The following MORC4 variants were observed in gnomAD, a reference collection of about 807,000 sequenced individuals.
MORC4 encodes MORC family CW-type zinc finger protein 4.
Under a neutral mutation model 65.5 loss-of-function variants are expected in MORC4, and 22 were observed. The observed-to-expected ratio is 0.34, with a 90% CI of 0.24 to 0.48. The LOEUF (loss-of-function observed/expected upper bound fraction) is 0.48, where lower values mean the gene tolerates loss of function less well. Ranked by LOEUF, MORC4 falls within the 20% of genes least tolerant of loss-of-function variation. MORC4 has a pLI of 0.99. For synonymous variants in MORC4, 267 were observed against 255.8 expected (o/e 1.04, Z -0.42); for missense variants, 624 against 703.0 (o/e 0.89, Z 1.27).
chrX:106,943,653 C>A (rs1372590393), intron 14 of MORC4, among the ~76,000 whole-genome samples: 1 of 112,452 alleles, frequency 8.9e-6, no homozygotes, highest in African/African-American at 3.2e-5. Flanking sequence ...ATCACAAATG[C>A]CTTCCCGTAT....
intron 10 of MORC4, among the ~76,000 whole-genome samples, chrX:106,960,463 T>C (rs1312152985): frequency 2.7e-5 from 3 of 111,885 alleles, no homozygotes; most frequent in Non-Finnish European, 5.6e-5. Context: ...TTACCTATAT[T>C]TGAACCTTAG....
At chrX:106,966,370 C>T (rs1391348504) in intron 9 of MORC4, among the ~76,000 whole-genome samples, 2 of 112,356 alleles carry the variant, frequency 1.8e-5, no homozygotes, top group Non-Finnish European at 3.8e-5. Context: ...GTGAGATCGA[C>T]GCAGAAGACA....
chrX:106,978,045 C>T (rs958792882), intron 8 of MORC4, 35 bp downstream of exon 8: 6 of 1,203,859 alleles, frequency 5.0e-6, no homozygotes, highest in Middle Eastern at 4.6e-4. Flanking sequence ...CTACTCTTTT[C>T]AGCCTCCTAT....
intron 14 of MORC4, among the ~76,000 whole-genome samples, chrX:106,952,857 T>C (rs1312645541): frequency 3.0e-4 from 34 of 111,938 alleles, no homozygotes; most frequent in Non-Finnish European, 7.5e-5. Context: ...AGAAATCCTA[T>C]ATATTTTACT....
rs1340599081 is a variant in MORC4 at position 106,956,518 on chromosome X, C to T, written c.1471G>A (p.Glu491Lys). The T allele has an allele frequency of 8.3e-7, 1 of 1,207,147 alleles. No homozygotes were observed. Among genetic ancestry groups the T allele is most frequent in the Admixed American group, 2.2e-5 (1 of 46,042 alleles). The change falls in exon 13 of 17, where the codon GAG becomes AAG. Residue 491 changes from glutamate (E) to lysine (K), a missense_variant. By Grantham distance (56) the Glu-to-Lys change is moderately conservative. Coordinates refer to ENST00000355610, the MANE Select transcript of MORC4 (RefSeq NM_024657.5). The part of the protein sequence containing the change: ...KAKKQEQTVE[E>K]KKKMPMENEN... ...TTTTCCATAGGCATCTTCTTCTTCT[C>T]CTCAACAGTTTGTTCTCTAGGAGAA...
At chrX:106,955,231 A>G (rs1165685144) in intron 13 of MORC4, 143 bp from the exon 14 acceptor site, 9 of 457,945 alleles carry the variant, frequency 2.0e-5, no homozygotes, top group African/African-American at 2.5e-5. Flanking sequence ...GTGTGCAGTA[A>G]TGTACACTAG....
At chrX:106,967,559 A>C (rs1934404537) in intron 9 of MORC4, among the ~76,000 whole-genome samples, 1 of 112,071 alleles carries the variant, frequency 8.9e-6, no homozygotes, top group South Asian at 3.8e-4. Flanking sequence ...AAGGAAGCTA[A>C]AAACCTAGAA....
intron 9 of MORC4, among the ~76,000 whole-genome samples, chrX:106,976,264 A>T (rs772400000): frequency 1.7e-4 from 19 of 111,612 alleles, no homozygotes; most frequent in Non-Finnish European, 3.6e-4. Context: ...AATGTATTCC[A>T]TAACTTCAGA....
chrX:106,972,819 T>C (rs1405872802), intron 9 of MORC4, among the ~76,000 whole-genome samples: 1 of 112,433 alleles, frequency 8.9e-6, no homozygotes, highest in Non-Finnish European at 1.9e-5. Context: ...ATGCCTGTAA[T>C]CCCAGCTACT....
chrX:106,965,807 T>G (rs1934359237), intron 9 of MORC4, among the ~76,000 whole-genome samples: 1 of 112,254 alleles, frequency 8.9e-6, no homozygotes, highest in African/African-American at 3.2e-5. Flanking sequence ...CCCAAATCAT[T>G]GTAAACAAGA....
chrX:106,981,553 GA>G lies in MORC4; in HGVS notation c.675-77del, dbSNP rs5903292. 22,157 of 888,367 alleles carry G rather than the reference GA, an allele frequency of 0.025. 3,181 individuals carry two copies. In the African/African-American group the frequency reaches 0.41, roughly 16 times the overall value. 73.2% of individuals were successfully genotyped at this position (888,367 alleles called of 1,213,427 possible). On this transcript the variant is annotated intron_variant, in intron 5 of 16. Transcript: ENST00000355610. The stretch of plus-strand genomic sequence containing the variant: ...AAAAAAATGCACTAGGAGCCCAAAA[GA>G]AAAAAAAACAATATGAGCCAAAACT...
At chrX:106,955,153 A>G in intron 13 of MORC4, 65 bp from the exon 14 acceptor site, 1 of 820,963 alleles carries the variant, frequency 1.2e-6, no homozygotes, top group Non-Finnish European at 1.7e-6. Flanking sequence ...GGATGAGTCA[A>G]TCCTTCTGAT....
chrX:106,941,556 G>A lies in MORC4; in HGVS notation c.2737C>T (p.Arg913Cys). Residue 913 changes from arginine to cysteine, a missense_variant, in exon 17 of 17, where the codon CGT (arginine) becomes TGT (cysteine). By Grantham distance (180) the Arg-to-Cys change is radical. Coordinates refer to ENST00000355610, the MANE Select transcript of MORC4 (RefSeq NM_024657.5). Reference sequence around the variant, plus strand: ...TGTTCTGAGTCATACCCGATCTCACGAAGCTCCAAGTGAGGGAGGACAGAA... The same window carrying A: ...TGTTCTGAGTCATACCCGATCTCACAAAGCTCCAAGTGAGGGAGGACAGAA... ...LTSVLPHLEL[R>C]EIGYDSEQVD... The A allele has an allele frequency of 3.3e-6, 4 of 1,208,811 alleles. No individual in the cohort carries two copies. The highest frequency in any genetic ancestry group is 2.2e-5 in the Admixed American group (1 of 45,953).
rs375430046 is a variant in MORC4 at position 106,981,024 on chromosome X, G to A, written c.808-5C>T. On this transcript the variant is annotated splice_region_variant and splice_polypyrimidine_tract_variant and intron_variant, in intron 6 of 16. Coordinates refer to ENST00000355610, the MANE Select transcript of MORC4 (RefSeq NM_024657.5). ...GTATAGAATACCACAAAATGCCTACGGAACAGAATGGTGAAGGGAAAGTTA... is the reference window on the plus strand; with the variant it reads ...GTATAGAATACCACAAAATGCCTACAGAACAGAATGGTGAAGGGAAAGTTA... 6.6e-6 allele frequency: 8 copies of A among 1,206,985 alleles called. No individual in the cohort carries two copies. Among genetic ancestry groups the A allele is most frequent in the East Asian group, 3.0e-5 (1 of 33,765 alleles).
chrX:106,946,042 C>T (rs945946557), intron 14 of MORC4, among the ~76,000 whole-genome samples: 1 of 111,573 alleles, frequency 9.0e-6, no homozygotes, highest in Non-Finnish European at 1.9e-5. Context: ...GAATAAGGAC[C>T]AAAAATCACG....
chrX:106,965,025 G>C (rs923078267), intron 9 of MORC4, among the ~76,000 whole-genome samples: 1 of 102,333 alleles, frequency 9.8e-6, no homozygotes, highest in African/African-American at 3.6e-5. Flanking sequence ...AAAAAAAAAA[G>C]AAAGAAAAGA....
chrX:106,953,659 GT>G (rs980560723), intron 14 of MORC4, among the ~76,000 whole-genome samples: 2 of 105,424 alleles, frequency 1.9e-5, no homozygotes, highest in South Asian at 4.1e-4. Flanking sequence ...TTGGTTTTTT[GT>G]TTTTTTTTTA....
At chrX:106,956,218 T>C (rs1934101763) in intron 13 of MORC4, among the ~76,000 whole-genome samples, 1 of 111,857 alleles carries the variant, frequency 8.9e-6, no homozygotes, top group Admixed American at 9.5e-5. Flanking sequence ...TTCTGTGACA[T>C]TGAATGTGAT....
At chrX:106,962,428 A>C (rs1462624600) in intron 9 of MORC4, among the ~76,000 whole-genome samples, 1 of 112,304 alleles carries the variant, frequency 8.9e-6, no homozygotes, top group Non-Finnish European at 1.9e-5. Context: ...AGACTATGAC[A>C]GAGGACCAAA....
Sources: allele counts gnomAD v4.1 joint callset (sites outside exome capture counted in the v4.1 genomes callset), GRCh38; gene constraint gnomAD v4.1.1; transcripts MANE v1.5; gene names NCBI Gene and HGNC (gene_info 2026-07-23, HGNC 2026-07-21).